ABCA3: variants seen among roughly 807,000 people sequenced by gnomAD.
ABCA3 encodes phospholipid-transporting ATPase ABCA3.
ABCA3 carries 88 observed loss-of-function variants against 172.8 expected under a neutral mutation model. The ratio of observed to expected loss-of-function variants is 0.51; its 90% CI spans 0.43 to 0.61. The LOEUF (loss-of-function observed/expected upper bound fraction) is 0.61. ABCA3 is among the 20% of genes least tolerant of loss of function. The pLI is 0.00. For synonymous variants in ABCA3, 1,066 were observed against 983.8 expected (o/e 1.08, Z -1.56); for missense variants, 2,164 against 2,301.0 (o/e 0.94, Z 1.22).
intron 12 of ABCA3, among the ~76,000 whole-genome samples, chr16:2,300,579 G>A (rs2093687332): frequency 6.6e-6 from 1 of 152,212 alleles, no homozygotes; most frequent in Non-Finnish European, 1.5e-5. Context: ...AGCAAGAGAA[G>A]CCGAAGGCGC....
Position 2,285,057 on chromosome 16 carries a change from G to A in ABCA3, c.3484-59C>T. The stretch of plus-strand genomic sequence containing the variant: ...CCAAGCTGAGAGGAGCTCACGGGTA[G>A]GGAAGGGGTGAGAGGAGCATTTGGA... On this transcript the variant is annotated intron_variant, in intron 23 of 32. Transcript: ENST00000301732. The surrounding 1 kb of genome is among the most constrained non-coding windows in gnomAD (Gnocchi z 4.7). The A allele has an allele frequency of 6.4e-7, 1 of 1,560,416 alleles. No individual in the cohort carries two copies. The highest frequency in any genetic ancestry group is 2.3e-4 in the Middle Eastern group (1 of 4,422).
At position 2,278,481 on chromosome 16, in the gene ABCA3, TG is replaced by T. The variant is rs1202859233; in HGVS notation, c.4548-24del. The T allele has an allele frequency of 2.5e-6, 4 of 1,607,904 alleles. No individual in the cohort carries two copies. The highest frequency in any genetic ancestry group is 1.7e-5 in the Admixed American group (1 of 59,982). On this transcript the variant is annotated intron_variant, in intron 29 of 32. Transcript: ENST00000301732. The surrounding 1 kb of genome is among the most constrained non-coding windows in gnomAD (Gnocchi z 4.4). ...CCACTAGAGGCAGGAGGGTGCCAGG[TG>T]GGGGAATAAGGCTGAGAGTTAGCAT... is the stretch of plus-strand genomic sequence containing the variant.
rs2093651353 is a variant in ABCA3, at chr16:2,279,136, G to A, written c.4360-6C>T. The A allele has an allele frequency of 1.9e-6, 3 of 1,610,612 alleles. No homozygotes were observed. Among genetic ancestry groups the A allele is most frequent in the East Asian group, 2.2e-5 (1 of 44,892 alleles). ...TAGCCGATCCGCTGCCGCACCTGGG[G>A]TCGGAGCATAGCCGGGGAGGGAGGC... On this transcript the variant is annotated splice_region_variant and splice_polypyrimidine_tract_variant and intron_variant, in intron 28 of 32. Transcript: ENST00000301732. This position sits in a 1 kb window ranked among gnomAD's most constrained non-coding sequence, Gnocchi z 4.4.
At chr16:2,280,665 T>C (rs192981306) in intron 28 of ABCA3, among the ~76,000 whole-genome samples, 2 of 152,134 alleles carry the variant, frequency 1.3e-5, no homozygotes, top group East Asian at 1.9e-4. Flanking sequence ...CAGCTCAACA[T>C]GGGAAAGCTG....
At chr16:2,321,117 T>C (rs1405958746) in intron 7 of ABCA3, among the ~76,000 whole-genome samples, 1 of 152,108 alleles carries the variant, frequency 6.6e-6, no homozygotes, top group Non-Finnish European at 1.5e-5. Context: ...TAGGGAATTG[T>C]TCCCCAAAAA....
At chr16:2,324,873 A>G (rs1222243679) in intron 5 of ABCA3, among the ~76,000 whole-genome samples, 2 of 152,074 alleles carry the variant, frequency 1.3e-5, no homozygotes, top group Non-Finnish European at 2.9e-5. Flanking sequence ...CTCTTTCTCA[A>G]AACCAGAATG....
chr16:2,299,940 G>T, intron 13 of ABCA3, 65 bp downstream of exon 13: 1 of 1,602,916 alleles, frequency 6.2e-7, no homozygotes, highest in Non-Finnish European at 8.5e-7. Flanking sequence ...TCTCACTGCC[G>T]TGCTGGTAAG....
At chr16:2,326,873 A>T (rs2093735280) in intron 3 of ABCA3, among the ~76,000 whole-genome samples, 1 of 152,136 alleles carries the variant, frequency 6.6e-6, no homozygotes, top group African/African-American at 2.4e-5. Context: ...CTGTAATCCC[A>T]GCTACTCGAG....
chr16:2,327,507 T>TTGGAAGGC (rs2093736188), intron 3 of ABCA3, among the ~76,000 whole-genome samples: 6 of 152,126 alleles, frequency 3.9e-5, no homozygotes, highest in Admixed American at 3.9e-4. Context: ...ATTTCTAAGG[T>TTGGAAGGC]TTGGAGAGAG....
At chr16:2,315,130 G>T (rs1001155377) in intron 10 of ABCA3, among the ~76,000 whole-genome samples, 2 of 150,128 alleles carry the variant, frequency 1.3e-5, no homozygotes, top group Non-Finnish European at 3.0e-5. Flanking sequence ...TGATCCACCC[G>T]CCTCGGCCTC....
chr16:2,321,577 G>A (rs1170815075), intron 7 of ABCA3, among the ~76,000 whole-genome samples: 3 of 152,136 alleles, frequency 2.0e-5, no homozygotes, highest in African/African-American at 4.8e-5. Context: ...AGAACCTGCA[G>A]TGGGGTCTTT....
At position 2,285,403 on chromosome 16, in the gene ABCA3, G is replaced by T. The variant is rs540923609; in HGVS notation, c.3483+39C>A. ...GGGGTCCCAGGGCAAGCCCTCTGCG[G>T]TCTGCAGGGGAACGGATCCAGCACC... On this transcript the variant is annotated intron_variant, in intron 23 of 32. Coordinates refer to ENST00000301732, the MANE Select transcript of ABCA3 (RefSeq NM_001089.3). The surrounding 1 kb of genome is among the most constrained non-coding windows in gnomAD (Gnocchi z 4.7). The T allele has an allele frequency of 6.4e-7, 1 of 1,573,752 alleles. No homozygotes were observed. The highest frequency in any genetic ancestry group is 8.6e-7 in the Non-Finnish European group (1 of 1,159,708).
rs775338608 is a variant in ABCA3, at chr16:2,288,222, G to A, written c.2808C>T (p.Cys936=). 3.8e-6 allele frequency: 6 copies of A among 1,597,040 alleles called. No homozygotes were observed. The South Asian group carries it at 4.5e-5, about 12-fold the overall frequency. ...VAAQVLVPLT[C]VTLALLAINY... ...TGATGGCCAGGAGGGCCAGGGTGACGCAGGTCAGAGGCACCAGGACCTGTG... is the reference window on the plus strand; with the variant it reads ...TGATGGCCAGGAGGGCCAGGGTGACACAGGTCAGAGGCACCAGGACCTGTG... Residue 936 remains cysteine (C), a synonymous_variant, in exon 21 of 33, where the codon TGC becomes TGT. Coordinates refer to ENST00000301732, the MANE Select transcript of ABCA3 (RefSeq NM_001089.3).
chr16:2,325,017 A>G (rs2093732110), intron 5 of ABCA3, among the ~76,000 whole-genome samples: 1 of 152,226 alleles, frequency 6.6e-6, no homozygotes, highest in Non-Finnish European at 1.5e-5. Context: ...ACTTCCTCTG[A>G]GTATTTGCTA....
intron 10 of ABCA3, among the ~76,000 whole-genome samples, chr16:2,310,070 G>T (rs1050055857): frequency 3.9e-5 from 6 of 151,946 alleles, no homozygotes; most frequent in Admixed American, 2.0e-4. Flanking sequence ...TTAAATTTAA[G>T]AATAACAGTA....
chr16:2,308,280 C>T (rs1396770060), intron 11 of ABCA3, among the ~76,000 whole-genome samples, 170 bp downstream of exon 11: 2 of 152,194 alleles, frequency 1.3e-5, no homozygotes, highest in African/African-American at 4.8e-5. Context: ...GGGGCCGTGT[C>T]CAGCTATCCA....
Position 2,281,264 on chromosome 16 carries a change from C to G in ABCA3, c.4165-43G>C. 7 of 1,613,172 alleles carry G rather than the reference C, an allele frequency of 4.3e-6. No individual in the cohort carries two copies. Among genetic ancestry groups the G allele is most frequent in the Non-Finnish European group, 5.1e-6 (6 of 1,179,888 alleles). Reference sequence around the variant, plus strand: ...AAAACACGGAATGCGGAGGCCTGGACGCAAAGCAGAGCAGTCTGAGCCTCA... The same window carrying G: ...AAAACACGGAATGCGGAGGCCTGGAGGCAAAGCAGAGCAGTCTGAGCCTCA... On this transcript the variant is annotated intron_variant, in intron 27 of 32. Transcript: ENST00000301732. The surrounding 1 kb of genome is among the most constrained non-coding windows in gnomAD (Gnocchi z 4.7).
chr16:2,286,929 C>T lies in ABCA3; in HGVS notation c.3043G>A (p.Glu1015Lys). The T allele has an allele frequency of 6.2e-7, 1 of 1,613,872 alleles. No homozygotes were observed. Among genetic ancestry groups the T allele is most frequent in the South Asian group, 1.1e-5 (1 of 91,078 alleles). ...EEFLIFRASVEGGGFNERCLV... is the reference protein window; with the variant it reads ...EEFLIFRASVKGGGFNERCLV... ...CACCGCTCATTAAAGCCGCCCCCCTCCACAGAAGCCCTGAAGATCAAGAAC... is the reference window on the plus strand; with the variant it reads ...CACCGCTCATTAAAGCCGCCCCCCTTCACAGAAGCCCTGAAGATCAAGAAC... The change falls in exon 22 of 33, where the codon GAG becomes AAG. Residue 1015 changes from glutamate (E) to lysine (K), a missense_variant. Coordinates refer to ENST00000301732, the MANE Select transcript of ABCA3 (RefSeq NM_001089.3). The surrounding 1 kb of genome is among the most constrained non-coding windows in gnomAD (Gnocchi z 5.2).
In ABCA3 at chr16:2,286,409, G is replaced by A. The variant is rs756687559; in HGVS notation, c.3278+285C>T. 3.3e-5 allele frequency among the ~76,000 whole-genome samples: 5 copies of A among 151,774 alleles called. No individual in the cohort carries two copies. The highest frequency in any genetic ancestry group is 7.4e-5 in the Non-Finnish European group (5 of 67,934). ...AGAGCAGTGTGGAGCGAGGACAGTGGCTGACAGGAGCCAGGTAGATTTAGG... is the reference window on the plus strand; with the variant it reads ...AGAGCAGTGTGGAGCGAGGACAGTGACTGACAGGAGCCAGGTAGATTTAGG... On this transcript the variant is annotated intron_variant, in intron 22 of 32. Transcript: ENST00000301732. The surrounding 1 kb of genome is among the most constrained non-coding windows in gnomAD (Gnocchi z 5.2).
Sources: gnomAD v4.1 joint callset for allele counts (sites outside exome capture counted in the v4.1 genomes callset) on GRCh38, gnomAD v4.1.1 for gene constraint, Gnocchi (gnomAD v3.1) non-coding constraint, MANE v1.5 for transcripts, NCBI Gene and HGNC (gene_info 2026-07-23, HGNC 2026-07-21) for gene names.